The following ZC3HAV1 variants were observed in gnomAD, a reference collection of about 807,000 sequenced individuals.
The protein encoded by ZC3HAV1 is zinc finger CCCH-type antiviral protein 1.
A neutral mutation model predicts 86.6 loss-of-function variants in ZC3HAV1; 41 were observed. The observed-to-expected ratio is 0.47, with a 90% CI of 0.37 to 0.61. The LOEUF (loss-of-function observed/expected upper bound fraction) is 0.61, where lower values mean the gene tolerates loss of function less well. Ranked by LOEUF, ZC3HAV1 falls within the 20% of genes least tolerant of loss-of-function variation. The pLI, the probability that ZC3HAV1 is intolerant of heterozygous loss-of-function variation, is 0.00. For missense variants in ZC3HAV1, 964 were observed against 1,141.1 expected (o/e 0.84, Z 2.24); for synonymous variants, 421 against 432.1 (o/e 0.97, Z 0.32).
chr7:139,059,455 A>T (rs1816384094), intron 9 of ZC3HAV1, among the ~76,000 whole-genome samples: 1 of 151,970 alleles, frequency 6.6e-6, no homozygotes. Context: ...TGTCTCTATT[A>T]AAAATACAAA....
intron 7 of ZC3HAV1, among the ~76,000 whole-genome samples, chr7:139,070,287 A>C (rs1388260350): frequency 6.6e-6 from 1 of 152,116 alleles, no homozygotes; most frequent in Non-Finnish European, 1.5e-5. Context: ...TTTCATGGGA[A>C]TCCAGAATAT....
At chr7:139,074,622 T>C (rs937557646) in intron 6 of ZC3HAV1, among the ~76,000 whole-genome samples, 7 of 151,646 alleles carry the variant, frequency 4.6e-5, no homozygotes, top group Non-Finnish European at 7.4e-5. Context: ...CAATAAATTT[T>C]TTGTTTTGGA....
At chr7:139,094,784 CT>C (rs1210140724) in intron 1 of ZC3HAV1, among the ~76,000 whole-genome samples, 4 of 152,166 alleles carry the variant, frequency 2.6e-5, no homozygotes, top group Non-Finnish European at 5.9e-5. Context: ...CTGGCTTCAT[CT>C]TACTGCGGTG....
At chr7:139,098,876 T>C (rs1167098820) in intron 1 of ZC3HAV1, among the ~76,000 whole-genome samples, 1 of 152,186 alleles carries the variant, frequency 6.6e-6, no homozygotes, top group Non-Finnish European at 1.5e-5. Context: ...TGGCTTCTTC[T>C]GTTCCAAAGT....
At chr7:139,092,060 G>C (rs1817452644) in intron 1 of ZC3HAV1, among the ~76,000 whole-genome samples, 1 of 152,152 alleles carries the variant, frequency 6.6e-6, no homozygotes, top group Admixed American at 6.6e-5. Flanking sequence ...CTGAAGTAAA[G>C]CAGGCAAAAA....
At chr7:139,059,412 T>C (rs527773948) in intron 9 of ZC3HAV1, among the ~76,000 whole-genome samples, 1 of 151,940 alleles carries the variant, frequency 6.6e-6, no homozygotes, top group South Asian at 2.1e-4. Context: ...AGGTCAAGAG[T>C]TCGAGACCAG....
In ZC3HAV1 at chr7:139,067,701, C is replaced by T. The variant is rs1005855644; in HGVS notation, c.1873-2702G>A. ...GTAACAAATGTAACAAAATTACATT[C>T]GTACTCTATAAATTTATATACAAAA... On this transcript the variant is annotated intron_variant, in intron 7 of 12. Coordinates refer to ENST00000242351, the MANE Select transcript of ZC3HAV1 (RefSeq NM_020119.4). Among the ~76,000 whole-genome samples, 2 of 152,110 alleles carry T rather than the reference C, an allele frequency of 1.3e-5. 1 individual carries two copies. Among genetic ancestry groups the T allele is most frequent in the Admixed American group, 1.3e-4 (2 of 15,262 alleles).
intron 5 of ZC3HAV1, among the ~76,000 whole-genome samples, chr7:139,077,418 AT>A (rs372475694): frequency 1.6e-4 from 24 of 152,118 alleles, no homozygotes; most frequent in African/African-American, 5.3e-4. Context: ...TAATTTTTGT[AT>A]TTTTAGTAGA....
At chr7:139,055,804 C>G (rs1330155309) in intron 9 of ZC3HAV1, among the ~76,000 whole-genome samples, 1 of 152,070 alleles carries the variant, frequency 6.6e-6, no homozygotes, top group African/African-American at 2.4e-5. Context: ...CTAATAGTTG[C>G]AAAAGAGTTG....
intron 7 of ZC3HAV1, among the ~76,000 whole-genome samples, chr7:139,071,885 CATGGTA>C (rs1038101135): frequency 1.3e-5 from 2 of 152,214 alleles, no homozygotes; most frequent in African/African-American, 4.8e-5. Context: ...CTGCTGAATT[CATGGTA>C]GGGCTGTTTG....
In ZC3HAV1 at chr7:139,044,515, G is replaced by A. The variant is rs979339068; in HGVS notation, c.*3079C>T. ...TGATTTTTTTAAGAAATTCATGTGT[G>A]TAAGTAGATTGTATTATCTATGAGT... On this transcript the variant is annotated 3_prime_UTR_variant, in exon 13 of 13. Transcript: ENST00000242351. The A allele has an allele frequency of 3.9e-5, 6 of 152,146 alleles. No individual in the cohort carries two copies. Among genetic ancestry groups the A allele is most frequent in the African/African-American group, 1.4e-4 (6 of 41,396 alleles). 9.4% of individuals were successfully genotyped at this position (152,146 alleles called of 1,614,324 possible).
At chr7:139,076,536 C>G (rs1816957311) in intron 5 of ZC3HAV1, 127 bp from the exon 6 acceptor site, 6 of 1,217,352 alleles carry the variant, frequency 4.9e-6, no homozygotes, top group Non-Finnish European at 5.7e-6. Context: ...CCATCTATAC[C>G]AGCTGACACT....
At chr7:139,106,248 A>G (rs1817932741) in intron 1 of ZC3HAV1, among the ~76,000 whole-genome samples, 1 of 152,204 alleles carries the variant, frequency 6.6e-6, no homozygotes, top group African/African-American at 2.4e-5. Flanking sequence ...CATAAAACTA[A>G]AATTTCTAAG....
chr7:139,103,780 T>C (rs1204515020), intron 1 of ZC3HAV1, among the ~76,000 whole-genome samples: 2 of 152,230 alleles, frequency 1.3e-5, no homozygotes, highest in Non-Finnish European at 1.5e-5. Context: ...ATAAATCCTA[T>C]GATGAAATAC....
At chr7:139,092,687 G>C (rs1401993891) in intron 1 of ZC3HAV1, among the ~76,000 whole-genome samples, 1 of 152,218 alleles carries the variant, frequency 6.6e-6, no homozygotes, top group Non-Finnish European at 1.5e-5. Flanking sequence ...CTTTTCCAAA[G>C]GTGCTCATGT....
In ZC3HAV1 at chr7:139,109,720, C is replaced by T. The variant is rs563270883; in HGVS notation, c.-389G>A. Reference sequence around the variant, plus strand: ...CTTTAGAAAGAAGAGAAACTAAAAGCGATCTTGGGGCTCTGGCCGGTGTTT... The same window carrying T: ...CTTTAGAAAGAAGAGAAACTAAAAGTGATCTTGGGGCTCTGGCCGGTGTTT... On this transcript the variant is annotated 5_prime_UTR_variant, in exon 1 of 13. Coordinates refer to ENST00000242351, the MANE Select transcript of ZC3HAV1 (RefSeq NM_020119.4). The T allele has an allele frequency of 1.6e-4, 28 of 177,472 alleles. No homozygotes were observed. Among genetic ancestry groups the T allele is most frequent in the Non-Finnish European group, 2.9e-4 (24 of 84,116 alleles). 11.0% of individuals were successfully genotyped at this position (177,472 alleles called of 1,614,324 possible). A position where few individuals can be genotyped will look rare whatever the true frequency, so the allele number is the denominator to read the frequency against.
rs558990399 is a variant in ZC3HAV1, at chr7:139,047,413, T to C, written c.*181A>G. On this transcript the variant is annotated 3_prime_UTR_variant, in exon 13 of 13. Coordinates refer to ENST00000242351, the MANE Select transcript of ZC3HAV1 (RefSeq NM_020119.4). ...ATTGGCATGGGGTGCAACCTGGGCA[T>C]CAGAATTTGTTTAAAACCTCCCAGA... 2 of 683,284 alleles carry C rather than the reference T, an allele frequency of 2.9e-6. No homozygotes were observed. The highest frequency in any genetic ancestry group is 6.5e-5 in the East Asian group (2 of 30,982). 42.3% of individuals were successfully genotyped at this position (683,284 alleles called of 1,614,324 possible).
rs752854839 is a variant in ZC3HAV1 at position 139,109,275 on chromosome 7, G to GC, written c.56dup (p.Arg20ProfsTer15). On this transcript the variant is annotated frameshift_variant, in exon 1 of 13. Transcript: ENST00000242351. LOFTEE classifies it high-confidence loss of function. ...GGAGCAGCGCGTCCAGGGCCATGCG[G>GC]CCCCCGTGGGCGCACAGGATTTTGG... 16 of 1,611,254 alleles carry GC rather than the reference G, an allele frequency of 9.9e-6. No individual in the cohort carries two copies. Among genetic ancestry groups the GC allele is most frequent in the Non-Finnish European group, 1.4e-5 (16 of 1,179,308 alleles).
chr7:139,078,968 C>A, intron 4 of ZC3HAV1: 1 of 1,268,542 alleles, frequency 7.9e-7, no homozygotes. Flanking sequence ...ATCTCCTCAC[C>A]AGACCACCCC....
Sources: allele counts gnomAD v4.1 joint callset (sites outside exome capture counted in the v4.1 genomes callset), GRCh38; gene constraint gnomAD v4.1.1; transcripts MANE v1.5; gene names NCBI Gene and HGNC (gene_info 2026-07-23, HGNC 2026-07-21).